ITK: variants seen among roughly 807,000 people sequenced by gnomAD.
ITK encodes tyrosine-protein kinase ITK/TSK.
In ITK, 45 loss-of-function variants were observed where a neutral mutation model predicts 87.6. That is an observed-to-expected ratio of 0.51 (90% confidence interval 0.40 to 0.66). ITK has a LOEUF of 0.66. ITK is among the 30% of genes least tolerant of loss of function. The pLI, the probability that ITK is intolerant of heterozygous loss-of-function variation, is 0.00. For missense variants in ITK, 605 were observed against 766.3 expected (o/e 0.79, Z 2.48); for synonymous variants, 303 against 273.6 (o/e 1.11, Z -1.06).
intron 1 of ITK, among the ~76,000 whole-genome samples, chr5:157,183,028 C>A (rs1278929351): frequency 6.6e-6 from 1 of 152,118 alleles, no homozygotes; most frequent in Non-Finnish European, 1.5e-5. Flanking sequence ...CTAATTCTTC[C>A]ATGTGAGATA....
intron 7 of ITK, among the ~76,000 whole-genome samples, chr5:157,229,395 T>C (rs1305826099): frequency 6.6e-6 from 1 of 152,204 alleles, no homozygotes; most frequent in Non-Finnish European, 1.5e-5. Context: ...AAAAGGTATC[T>C]TGTGTCTCCT....
At chr5:157,211,461 G>T in intron 3 of ITK, 93 bp downstream of exon 3, 2 of 1,039,192 alleles carry the variant, frequency 1.9e-6, no homozygotes, top group Middle Eastern at 4.1e-4. Context: ...TGTGAGAGCA[G>T]CTGATGGCTG....
chr5:157,221,956 G>A (rs1454866357), intron 5 of ITK, among the ~76,000 whole-genome samples: 1 of 151,906 alleles, frequency 6.6e-6, no homozygotes, highest in Non-Finnish European at 1.5e-5. Flanking sequence ...TTTGAGACCA[G>A]TCTGGGCAAC....
At chr5:157,232,796 G>A (rs248662) in intron 8 of ITK, among the ~76,000 whole-genome samples, 121,258 of 152,116 alleles carry the variant, frequency 0.8, 48,988 homozygotes, top group East Asian at 0.98. Context: ...TGGCATTGAC[G>A]TGGAGACATC....
chr5:157,214,205 A>C lies in ITK; in HGVS notation c.340A>C (p.Asn114His), dbSNP rs1204901741. The C allele has an allele frequency of 6.2e-7, 1 of 1,611,438 alleles. No individual in the cohort carries two copies. Among genetic ancestry groups the C allele is most frequent in the East Asian group, 2.2e-5 (1 of 44,876 alleles). The change falls in exon 4 of 17, where the codon AAC (asparagine) becomes CAC (histidine). Residue 114 changes from asparagine to histidine, a missense_variant. Transcript: ENST00000422843. ...LALKEETRNNNSLVPKYHPNF... is the reference protein window; with the variant it reads ...LALKEETRNNHSLVPKYHPNF... ...ACCTGTTTCAGAAACGAGGAATAAT[A>C]ACAGTTTGGTGCCTAAATATCATCC...
intron 10 of ITK, chr5:157,240,653 G>A (rs892919348): frequency 4.9e-6 from 1 of 205,456 alleles, no homozygotes; most frequent in Non-Finnish European, 9.9e-6. Flanking sequence ...CTTTTAGGGA[G>A]CCCTCAGGAA....
At chr5:157,184,605 C>T (rs1753605559) in intron 1 of ITK, among the ~76,000 whole-genome samples, 2 of 152,212 alleles carry the variant, frequency 1.3e-5, no homozygotes, top group Admixed American at 6.5e-5. Flanking sequence ...TGGTGTGGCT[C>T]ACGTGGCCAC....
intron 1 of ITK, among the ~76,000 whole-genome samples, chr5:157,205,534 G>A (rs1487784810): frequency 6.6e-6 from 1 of 152,124 alleles, no homozygotes. Context: ...ATGAAGACAT[G>A]ACGAAATGCT....
chr5:157,241,913 TCTCTAGGTCAA>T (rs1754916333), intron 11 of ITK, among the ~76,000 whole-genome samples, 193 bp downstream of exon 11: 1 of 152,230 alleles, frequency 6.6e-6, no homozygotes, highest in South Asian at 2.1e-4. Context: ...CAAGCACATT[TCTCTAGGTCAA>T]ACCAGTGGCC....
chr5:157,211,931 T>C (rs570192755), intron 3 of ITK, among the ~76,000 whole-genome samples: 2 of 152,336 alleles, frequency 1.3e-5, no homozygotes, highest in African/African-American at 2.4e-5. Flanking sequence ...GGTTGGCCCA[T>C]AGACAGCATG....
intron 1 of ITK, among the ~76,000 whole-genome samples, chr5:157,197,906 T>C (rs996781711): frequency 4.6e-5 from 7 of 152,192 alleles, no homozygotes; most frequent in Non-Finnish European, 8.8e-5. Flanking sequence ...AACAAATGTT[T>C]CCATAGAATA....
chr5:157,213,642 A>G, intron 3 of ITK: 1 of 440,046 alleles, frequency 2.3e-6, no homozygotes, highest in South Asian at 1.6e-5. Context: ...TCGGCCTACG[A>G]AAGTACTGGG....
At chr5:157,183,891 A>C (rs1251252771) in intron 1 of ITK, among the ~76,000 whole-genome samples, 1 of 152,218 alleles carries the variant, frequency 6.6e-6, no homozygotes, top group Non-Finnish European at 1.5e-5. Flanking sequence ...TAATTCTAGA[A>C]ATCAAGTATG....
intron 1 of ITK, among the ~76,000 whole-genome samples, chr5:157,207,903 G>A (rs921543369): frequency 6.6e-6 from 1 of 152,194 alleles, no homozygotes; most frequent in Non-Finnish European, 1.5e-5. Context: ...TAGATGTTAA[G>A]GACTTAGACT....
chr5:157,208,928 A>G lies in ITK; in HGVS notation c.178A>G (p.Ile60Val), dbSNP rs1432709261. The G allele has an allele frequency of 1.2e-6, 2 of 1,613,986 alleles. No homozygotes were observed. The highest frequency in any genetic ancestry group is 4.5e-5 in the East Asian group (2 of 44,878). Residue 60 changes from isoleucine (I) to valine (V), a missense_variant, in exon 2 of 17, where the codon ATC (isoleucine) becomes GTC (valine). Around this residue, in one of 3 missense-constraint regions of ITK, gnomAD observed 464 missense variants for 578.0 expected, o/e 0.80. Coordinates refer to ENST00000422843, the MANE Select transcript of ITK (RefSeq NM_005546.4). ...TLKGSIELSR[I>V]KCVEIVKSDI... is the part of the protein sequence containing the mutation. ...GAAGGGGTCCATTGAGCTCTCCCGA[A>G]TCAAATGTGTTGAGATTGTGAAAAG... is the stretch of plus-strand genomic sequence containing the variant.
intron 1 of ITK, among the ~76,000 whole-genome samples, chr5:157,182,814 C>T (rs1470770565): frequency 6.6e-6 from 1 of 152,096 alleles, no homozygotes; most frequent in African/African-American, 2.4e-5. Flanking sequence ...AATTCCTTAG[C>T]CCAACTGCTA....
chr5:157,227,044 T>C (rs1754546271), intron 6 of ITK, among the ~76,000 whole-genome samples: 1 of 152,142 alleles, frequency 6.6e-6, no homozygotes, highest in Admixed American at 6.5e-5. Context: ...TGTCTCAAAC[T>C]CCTGAGCTCA....
chr5:157,245,711 C>T lies in ITK; in HGVS notation c.1450-15C>T. On this transcript the variant is annotated splice_polypyrimidine_tract_variant and intron_variant, in intron 13 of 16. Coordinates refer to ENST00000422843, the MANE Select transcript of ITK (RefSeq NM_005546.4). ...AGTTTTCCTCTCCGCCTTTGTTTGC[C>T]TGTCTCCTCTCCAGGCTGCCAGAAA... The T allele has an allele frequency of 6.2e-7, 1 of 1,613,000 alleles. No individual in the cohort carries two copies. Among genetic ancestry groups the T allele is most frequent in the Non-Finnish European group, 8.5e-7 (1 of 1,178,944 alleles).
At chr5:157,235,584 C>CT (rs1160911225) in intron 8 of ITK, among the ~76,000 whole-genome samples, 15 of 152,172 alleles carry the variant, frequency 9.9e-5, no homozygotes, top group African/African-American at 3.4e-4. Flanking sequence ...CAACATCTCA[C>CT]ACATAGGGTG....
Sources: gnomAD v4.1 joint callset for allele counts (sites outside exome capture counted in the v4.1 genomes callset) on GRCh38, gnomAD v4.1.1 for gene constraint, gnomAD v4.1.1 regional missense constraint, MANE v1.5 for transcripts, NCBI Gene and HGNC (gene_info 2026-07-23, HGNC 2026-07-21) for gene names.